The following BLTP2 variants were observed in gnomAD, a reference collection of about 807,000 sequenced individuals.
BLTP2 encodes U937-associated antigen.
At chr17:28,634,893 C>T in the BLTP2 span, 18 of 1,613,956 alleles carry the variant, frequency 1.1e-5, no homozygotes, top group Non-Finnish European at 1.4e-5. Flanking sequence ...TACTTTCATC[C>T]TTCATCAGCT....
At chr17:28,642,148 C>G in the BLTP2 span, 3 of 1,581,490 alleles carry the variant, frequency 1.9e-6, no homozygotes, top group Non-Finnish European at 2.6e-6. Flanking sequence ...ATGTGGTGAT[C>G]TGGAACACTG....
the BLTP2 span, chr17:28,642,105 G>A: frequency 1.2e-6 from 2 of 1,607,118 alleles, no homozygotes; most frequent in Admixed American, 1.7e-5. Context: ...CCTCTAAGGT[G>A]TATGTAAGAA....
chr17:28,614,996 C>G, the BLTP2 span: 26 of 1,462,964 alleles, frequency 1.8e-5, no homozygotes, highest in Non-Finnish European at 2.3e-5. Flanking sequence ...GAAGCCCCTC[C>G]CACCCCACAA....
At chr17:28,618,908 ATCT>A in the BLTP2 span, 2 of 1,614,106 alleles carry the variant, frequency 1.2e-6, no homozygotes, top group South Asian at 1.1e-5. Flanking sequence ...CCACACTCAC[ATCT>A]TCTTGCTGCT....
the BLTP2 span, among the ~76,000 whole-genome samples, chr17:28,627,759 A>C: frequency 6.6e-6 from 1 of 151,778 alleles, no homozygotes; most frequent in South Asian, 2.1e-4. Context: ...GGTTCAAGCG[A>C]ATCTCGTGCC....
chr17:28,643,013 A>G, the BLTP2 span: 1 of 1,525,048 alleles, frequency 6.6e-7, no homozygotes, highest in Non-Finnish European at 9.1e-7. Context: ...AAGGATGAAC[A>G]ATAATTAATG....
the BLTP2 span, among the ~76,000 whole-genome samples, chr17:28,629,573 G>A: frequency 6.6e-6 from 1 of 152,162 alleles, no homozygotes; most frequent in Non-Finnish European, 1.5e-5. Context: ...CACTTCCCGG[G>A]TTCAAGCGAT....
chr17:28,643,425 G>T, the BLTP2 span: 3 of 1,465,266 alleles, frequency 2.0e-6, no homozygotes, highest in African/African-American at 4.2e-5. Context: ...AAATCACAGA[G>T]ATTAGTTTCA....
chr17:28,624,025 T>A, the BLTP2 span: 1 of 1,520,858 alleles, frequency 6.6e-7, no homozygotes, highest in Admixed American at 1.7e-5. Flanking sequence ...AGTGAGCACA[T>A]TGTATCAACC....
At chr17:28,618,836 C>A in the BLTP2 span, 1 of 1,614,084 alleles carries the variant, frequency 6.2e-7, no homozygotes, top group South Asian at 1.1e-5. Context: ...CAATTCCCAG[C>A]TGTCCATCTT....
the BLTP2 span, chr17:28,617,508 TA>T: frequency 2.0e-6 from 1 of 508,518 alleles, no homozygotes; most frequent in Non-Finnish European, 3.5e-6. Flanking sequence ...TCCAGGACAC[TA>T]AATGCTGGTA....
At chr17:28,628,559 C>T in the BLTP2 span, 35 of 1,611,924 alleles carry the variant, frequency 2.2e-5, no homozygotes, top group Non-Finnish European at 3.0e-5. Context: ...GCAGAGAGCT[C>T]CTAAGAAACA....
chr17:28,628,584 G>A, the BLTP2 span: 1 of 1,599,518 alleles, frequency 6.3e-7, no homozygotes, highest in Admixed American at 1.7e-5. Context: ...AAGGACTTCA[G>A]GGTAGCATGG....
the BLTP2 span, chr17:28,614,586 G>A: frequency 6.1e-6 from 1 of 163,568 alleles, no homozygotes; most frequent in African/African-American, 2.4e-5. Context: ...ACAGAGACTG[G>A]GGAGGGGTTG....
chr17:28,630,468 T>G, the BLTP2 span, among the ~76,000 whole-genome samples: 27 of 141,596 alleles, frequency 1.9e-4, no homozygotes, highest in African/African-American at 6.3e-4. Context: ...CCCCACTGTT[T>G]TTTTTTTTTT....
At chr17:28,633,797 C>T in the BLTP2 span, 1 of 1,601,638 alleles carries the variant, frequency 6.2e-7, no homozygotes, top group Non-Finnish European at 8.5e-7. Context: ...AACATTACCC[C>T]TCTCTTCCTC....
chr17:28,639,256 C>T, the BLTP2 span: 1 of 1,583,950 alleles, frequency 6.3e-7, no homozygotes, highest in Non-Finnish European at 8.7e-7. Context: ...CCAATTTGGA[C>T]CAAAAGAATC....
the BLTP2 span, chr17:28,635,512 A>G: frequency 3.1e-6 from 5 of 1,614,066 alleles, no homozygotes; most frequent in Non-Finnish European, 1.7e-6. Context: ...AGTGGCTCTT[A>G]GTAGGTCTCG....
At chr17:28,642,613 T>G in the BLTP2 span, 5 of 559,072 alleles carry the variant, frequency 8.9e-6, no homozygotes, top group Non-Finnish European at 1.6e-5. Flanking sequence ...ACCGCACCAC[T>G]GCACTCCAGC....
Sources: gnomAD v4.1 joint callset for allele counts (sites outside exome capture counted in the v4.1 genomes callset) on GRCh38, gnomAD v4.1.1 for gene constraint, MANE v1.5 for transcripts, NCBI Gene and HGNC (gene_info 2026-07-23, HGNC 2026-07-21) for gene names.